PRUNE2: variants seen among roughly 807,000 people sequenced by gnomAD.
PRUNE2 encodes the protein prune homolog 2 with BCH domain, also known as protein prune homolog 2.
PRUNE2 carries 164 observed loss-of-function variants against 252.0 expected under a neutral mutation model. The ratio of observed to expected loss-of-function variants is 0.65; its 90% confidence interval spans 0.57 to 0.74. The LOEUF is 0.74. PRUNE2 is among the 30% of genes least tolerant of loss of function. The pLI is 0.00. For missense variants in PRUNE2, 3,495 were observed against 3,711.0 expected, an observed-to-expected ratio of 0.94 and a Z score of 1.51; for synonymous variants, 1,292 against 1,350.2, an observed-to-expected ratio of 0.96 and a Z score of 0.94.
chr9:76,735,684 A>G (rs975345347), intron 6 of PRUNE2, among the ~76,000 whole-genome samples: 2 of 152,194 alleles, frequency 1.3e-5, no homozygotes, highest in Non-Finnish European at 2.9e-5. Context: ...AAAGTGTAAC[A>G]ATACTTAAAG....
intron 16 of PRUNE2, chr9:76,627,833 C>A: frequency 2.3e-6 from 1 of 427,116 alleles, no homozygotes; most frequent in Non-Finnish European, 4.7e-6. Flanking sequence ...ACGTCCCCTG[C>A]ATCTGTAAAA....
chr9:76,799,107 G>A (rs1189678539), intron 6 of PRUNE2, among the ~76,000 whole-genome samples: 11 of 152,172 alleles, frequency 7.2e-5, no homozygotes, highest in African/African-American at 2.7e-4. Context: ...TTGGGAGGCC[G>A]AGGTGGGTGA....
chr9:76,768,775 A>G (rs2052749143), intron 6 of PRUNE2, among the ~76,000 whole-genome samples: 1 of 152,200 alleles, frequency 6.6e-6, no homozygotes, highest in Non-Finnish European at 1.5e-5. Flanking sequence ...GGAATCTTCT[A>G]TGATTTAATC....
chr9:76,618,909 C>G (rs758903505), intron 18 of PRUNE2, among the ~76,000 whole-genome samples: 5 of 152,200 alleles, frequency 3.3e-5, no homozygotes, highest in Non-Finnish European at 4.4e-5. Flanking sequence ...TTCCTACAGT[C>G]TCATACAGGC....
At chr9:76,791,185 A>G (rs1338709530) in intron 6 of PRUNE2, among the ~76,000 whole-genome samples, 2 of 152,170 alleles carry the variant, frequency 1.3e-5, no homozygotes, top group Non-Finnish European at 2.9e-5. Context: ...ACTGTAATAT[A>G]CTGTATTAAT....
intron 4 of PRUNE2, among the ~76,000 whole-genome samples, chr9:76,837,444 TAATAATAATA>T (rs139064849): frequency 0.21 from 23,380 of 112,570 alleles, 2,280 homozygotes; most frequent in South Asian, 0.42. Context: ...CTGTCTCAAA[TAATAATAATA>T]ATAATAATAA....
intron 4 of PRUNE2, among the ~76,000 whole-genome samples, chr9:76,838,502 G>A (rs557240903): frequency 6.6e-6 from 1 of 151,874 alleles, no homozygotes; most frequent in African/African-American, 2.4e-5. Context: ...AAAATTAGTG[G>A]GGCATGGTGG....
intron 1 of PRUNE2, among the ~76,000 whole-genome samples, chr9:76,875,656 G>A (rs906451029): frequency 2.6e-5 from 4 of 152,166 alleles, no homozygotes; most frequent in African/African-American, 9.7e-5. Flanking sequence ...GAGCCACCAT[G>A]CCCAGCCGGC....
intron 9 of PRUNE2, among the ~76,000 whole-genome samples, chr9:76,657,777 T>G (rs572838794): frequency 1.3e-5 from 2 of 152,350 alleles, no homozygotes; most frequent in African/African-American, 4.8e-5. Flanking sequence ...TGTGTCATGG[T>G]TGGACAAATC....
rs1489732943 is a variant in PRUNE2, at chr9:76,613,853, C to A, written c.*717G>T. Reference sequence around the variant, plus strand: ...TATGGCCTGAAACTCAGAGAGCTACCAAACATGCAACACGGATTCTTAAAT... The same window carrying A: ...TATGGCCTGAAACTCAGAGAGCTACAAAACATGCAACACGGATTCTTAAAT... On this transcript the variant is annotated 3_prime_UTR_variant, in exon 19 of 19. Transcript: ENST00000376718. 1.3e-5 allele frequency: 2 copies of A among 152,116 alleles called. No individual in the cohort carries two copies. The highest frequency in any genetic ancestry group is 4.8e-5 in the African/African-American group (2 of 41,398). The allele number at this position is 152,116 out of a possible 1,614,324, so 9.4% of individuals were successfully genotyped here.
chr9:76,876,136 T>A (rs1306131772), intron 1 of PRUNE2, among the ~76,000 whole-genome samples: 3 of 151,914 alleles, frequency 2.0e-5, no homozygotes, highest in Non-Finnish European at 4.4e-5. Flanking sequence ...TCAAGAAAAA[T>A]GAAGCAACTA....
intron 1 of PRUNE2, among the ~76,000 whole-genome samples, chr9:76,883,101 C>T (rs1023540702): frequency 6.6e-6 from 1 of 152,196 alleles, no homozygotes; most frequent in East Asian, 1.9e-4. Context: ...CACATACCAT[C>T]TTTGTGGTTT....
At chr9:76,892,619 TAATA>T (rs972646906) in intron 1 of PRUNE2, among the ~76,000 whole-genome samples, 2 of 152,122 alleles carry the variant, frequency 1.3e-5, no homozygotes, top group African/African-American at 2.4e-5. Flanking sequence ...CTTAGGAAAA[TAATA>T]AATAATGTTA....
At chr9:76,788,373 G>GGA (rs1283228529) in intron 6 of PRUNE2, 2 of 751,550 alleles carry the variant, frequency 2.7e-6, no homozygotes, top group Non-Finnish European at 5.0e-6. Context: ...TATATATACT[G>GGA]GACATTAAAC....
At chr9:76,775,440 G>T (rs2053630096) in intron 6 of PRUNE2, among the ~76,000 whole-genome samples, 1 of 151,652 alleles carries the variant, frequency 6.6e-6, no homozygotes, top group South Asian at 2.1e-4. Flanking sequence ...GGGACTACAG[G>T]CATGCACTAC....
At chr9:76,813,674 C>A (rs1359111108) in intron 6 of PRUNE2, among the ~76,000 whole-genome samples, 1 of 152,164 alleles carries the variant, frequency 6.6e-6, no homozygotes, top group Non-Finnish European at 1.5e-5. Context: ...CAATTACACT[C>A]ATTCATCGAT....
chr9:76,769,092 T>C (rs1365972650), intron 6 of PRUNE2, among the ~76,000 whole-genome samples: 2 of 152,176 alleles, frequency 1.3e-5, no homozygotes, highest in South Asian at 2.1e-4. Flanking sequence ...TATTGACAGT[T>C]TGAGAGATAT....
Position 76,718,438 on chromosome 9 carries a change from C to T in PRUNE2, c.757-4717G>A, listed in dbSNP as rs980877231. On this transcript the variant is annotated intron_variant, in intron 6 of 18. Transcript: ENST00000376718. ...CTCTTCTCAAAAGTACCAAGCACTC[C>T]GAGGTTGCCAAATCCAAAGATAACA... is the stretch of plus-strand genomic sequence containing the variant. Among the ~76,000 whole-genome samples, 8 of 97,268 alleles carry T rather than the reference C, an allele frequency of 8.2e-5. No homozygotes were observed. In the South Asian group the frequency reaches 9.5e-4, roughly 12 times the overall value. 63.8% of individuals were successfully genotyped at this position (97,268 alleles called of 152,430 possible).
At chr9:76,697,589 A>G (rs538337139) in intron 9 of PRUNE2, among the ~76,000 whole-genome samples, 1 of 152,310 alleles carries the variant, frequency 6.6e-6, no homozygotes, top group African/African-American at 2.4e-5. Flanking sequence ...CTGTCTCAAA[A>G]TATCTCCTGT....
Sources: allele counts gnomAD v4.1 joint callset (sites outside exome capture counted in the v4.1 genomes callset), GRCh38; gene constraint gnomAD v4.1.1; transcripts MANE v1.5; gene names NCBI Gene and HGNC (gene_info 2026-07-23, HGNC 2026-07-21).